The following MGST2 variants were observed in gnomAD, a reference collection of about 807,000 sequenced individuals.
MGST2 encodes the protein glutathione peroxidase MGST2.
Under a neutral mutation model 16.6 loss-of-function variants are expected in MGST2, and 9 were observed. That is an observed-to-expected ratio of 0.54 (90% CI 0.33 to 0.95). The LOEUF (loss-of-function observed/expected upper bound fraction) is 0.95. Ranked by LOEUF, MGST2 falls within the 40% of genes least tolerant of loss-of-function variation. MGST2 has a pLI of 0.03. For missense variants in MGST2, 159 were observed against 175.1 expected (o/e 0.91, Z 0.52); for synonymous variants, 79 against 68.0 (o/e 1.16, Z -0.79).
At chr4:139,679,243 C>A (rs1027473) in intron 2 of MGST2, 76,240 of 153,526 alleles carry the variant, frequency 0.5, 19,656 homozygotes, top group East Asian at 0.81. Flanking sequence ...TATATTTCAT[C>A]CCCCAAAATA....
intron 3 of MGST2, among the ~76,000 whole-genome samples, chr4:139,697,303 AC>A (rs1726983044): frequency 6.6e-6 from 1 of 151,850 alleles, no homozygotes; most frequent in African/African-American, 2.4e-5. Flanking sequence ...GTCCTTTGTG[AC>A]TTTTTTTTTC....
At chr4:139,751,412 C>T in the MGST2 span, among the ~76,000 whole-genome samples, 6 of 152,220 alleles carry the variant, frequency 3.9e-5, no homozygotes, top group Admixed American at 6.5e-5. Flanking sequence ...TCATAATACA[C>T]GTTATACACA....
downstream of MGST2, among the ~76,000 whole-genome samples, chr4:139,741,886 T>A (rs78250967): frequency 0.84 from 127,720 of 151,864 alleles, 54,366 homozygotes; most frequent in Non-Finnish European, 0.92. Flanking sequence ...ATTGCATTTT[T>A]AAAACGCCCT....
chr4:139,695,258 T>G lies in MGST2; in HGVS notation c.220T>G (p.Phe74Val). 6.2e-7 allele frequency: 1 copy of G among 1,610,852 alleles called. No homozygotes were observed. Residue 74 changes from phenylalanine (F) to valine (V), a missense_variant, in exon 3 of 5, where the codon TTC becomes GTC. Physicochemically the swap from Phe to Val is conservative, Grantham distance 50. Coordinates refer to ENST00000265498, the MANE Select transcript of MGST2 (RefSeq NM_002413.5). The part of the protein sequence containing the change: ...IITLWMAGWY[F>V]NQVFATCLGL... ...TACATTGTGGATGGCTGGGTGGTATTTCAACCAAGGTAATGTTAAAATACA... is the reference window on the plus strand; with the variant it reads ...TACATTGTGGATGGCTGGGTGGTATGTCAACCAAGGTAATGTTAAAATACA...
chr4:139,691,697 G>GATTATTATT (rs3841989), intron 2 of MGST2, among the ~76,000 whole-genome samples: 1 of 137,456 alleles, frequency 7.3e-6, no homozygotes, highest in East Asian at 2.0e-4. Flanking sequence ...TGATGATGAT[G>GATTATTATT]ATTATTATTA....
chr4:139,673,173 G>C (rs1374049944), intron 1 of MGST2, among the ~76,000 whole-genome samples: 1 of 152,136 alleles, frequency 6.6e-6, no homozygotes, highest in East Asian at 1.9e-4. Flanking sequence ...AGATAGTGGG[G>C]GAGACAACTG....
At position 139,735,541 on chromosome 4, in the gene MGST2, C is replaced by T. The variant is rs928150753; in HGVS notation, c.*49-4671C>T. Among the ~76,000 whole-genome samples the T allele has an allele frequency of 1.3e-5, 2 of 152,156 alleles. No homozygotes were observed. Among genetic ancestry groups the T allele is most frequent in the African/African-American group, 4.8e-5 (2 of 41,440 alleles). ...GAGGGACCGGGTTCCAGGACCCCAGCTGCACAAAGCCGGCCCGGGGAGGGG... is the reference window on the plus strand; with the variant it reads ...GAGGGACCGGGTTCCAGGACCCCAGTTGCACAAAGCCGGCCCGGGGAGGGG... On this transcript the variant is annotated intron_variant, in intron 5 of 5. Coordinates refer to the MGST2 transcript ENST00000616265. This position sits in a 1 kb window ranked among gnomAD's most constrained non-coding sequence, Gnocchi z 5.8.
intron 5 of MGST2, among the ~76,000 whole-genome samples, chr4:139,739,683 T>C (rs200691782): frequency 1.4e-3 from 108 of 79,548 alleles, no homozygotes; most frequent in South Asian, 2.8e-3. Flanking sequence ...AAAGCAGTTT[T>C]TTTTTTTTTT....
chr4:139,679,940 A>G (rs1731150554), intron 2 of MGST2, among the ~76,000 whole-genome samples: 1 of 152,224 alleles, frequency 6.6e-6, no homozygotes, highest in South Asian at 2.1e-4. Context: ...ATCTGAAGAT[A>G]AAGTGGGATT....
intron 2 of MGST2, among the ~76,000 whole-genome samples, chr4:139,689,539 G>A (rs1726449228): frequency 6.6e-6 from 1 of 152,186 alleles, no homozygotes; most frequent in Non-Finnish European, 1.5e-5. Flanking sequence ...AGACCGCCCA[G>A]GGTCCAAAGT....
chr4:139,739,432 C>T (rs887845882), intron 5 of MGST2, among the ~76,000 whole-genome samples: 7 of 152,180 alleles, frequency 4.6e-5, no homozygotes, highest in South Asian at 2.1e-4. Flanking sequence ...TTATGCTTTT[C>T]GTCTGCCTTT....
chr4:139,709,012 AAAAG>A (rs1196461344), downstream of MGST2, among the ~76,000 whole-genome samples: 56 of 144,958 alleles, frequency 3.9e-4, no homozygotes, highest in South Asian at 6.7e-4. Flanking sequence ...AAAAAAAAAA[AAAAG>A]AAAAAGAAAA....
At chr4:139,716,210 AG>A (rs887719875) in intron 5 of MGST2, among the ~76,000 whole-genome samples, 4 of 152,044 alleles carry the variant, frequency 2.6e-5, no homozygotes, top group African/African-American at 9.7e-5. Context: ...GTCAATCCAG[AG>A]GGGTATAAAC....
intron 5 of MGST2, among the ~76,000 whole-genome samples, chr4:139,714,090 G>A (rs1177386986): frequency 1.3e-5 from 2 of 152,186 alleles, no homozygotes; most frequent in African/African-American, 4.8e-5. Flanking sequence ...CATAAAACAA[G>A]GTGGAGATTT....
intron 5 of MGST2, among the ~76,000 whole-genome samples, chr4:139,714,492 G>C (rs1727865224): frequency 6.6e-6 from 1 of 152,206 alleles, no homozygotes; most frequent in African/African-American, 2.4e-5. Context: ...TGGGGGCCAA[G>C]CCGCATCATA....
At chr4:139,711,186 A>AT (rs1307023676) in intron 5 of MGST2, among the ~76,000 whole-genome samples, 1 of 151,668 alleles carries the variant, frequency 6.6e-6, no homozygotes, top group East Asian at 1.9e-4. Flanking sequence ...GCTGTTTTCT[A>AT]TTTTTTGTAG....
chr4:139,721,863 T>C (rs1476785815), intron 5 of MGST2, among the ~76,000 whole-genome samples: 3 of 152,230 alleles, frequency 2.0e-5, no homozygotes, highest in African/African-American at 4.8e-5. Flanking sequence ...ACTTGTAATA[T>C]TGTCATGCAG....
At chr4:139,693,526 C>T (rs1464587079) in intron 2 of MGST2, among the ~76,000 whole-genome samples, 7 of 151,756 alleles carry the variant, frequency 4.6e-5, no homozygotes, top group African/African-American at 1.5e-4. Context: ...GAAAAAGAAA[C>T]GTGGGAATGC....
downstream of MGST2, among the ~76,000 whole-genome samples, chr4:139,745,315 A>T (rs1014084483): frequency 1.3e-5 from 2 of 152,016 alleles, no homozygotes; most frequent in African/African-American, 4.8e-5. Context: ...AGGTTCTTAA[A>T]GGGAATAAAC....
Sources: gnomAD v4.1 joint callset for allele counts (sites outside exome capture counted in the v4.1 genomes callset) on GRCh38, gnomAD v4.1.1 for gene constraint, Gnocchi (gnomAD v3.1) non-coding constraint, MANE v1.5 for transcripts, NCBI Gene and HGNC (gene_info 2026-07-23, HGNC 2026-07-21) for gene names.